HDAC9: variants seen among roughly 807,000 people sequenced by gnomAD.
HDAC9 encodes the protein MEF-2 interacting transcription repressor (MITR) protein.
HDAC9 carries 41 observed loss-of-function variants against 139.4 expected under a neutral mutation model. That is an observed-to-expected ratio of 0.29 (90% CI 0.23 to 0.38). The LOEUF is 0.38. Among genes scored for constraint, HDAC9 ranks in the 10% least tolerant of loss-of-function variants. The pLI is 1.00. For synonymous variants in HDAC9, 517 were observed against 476.2 expected, an observed-to-expected ratio of 1.09 and a Z score of -1.12; for missense variants, 1,147 against 1,297.0, an observed-to-expected ratio of 0.88 and a Z score of 1.78.
intron 14 of HDAC9, among the ~76,000 whole-genome samples, chr7:18,751,847 A>G (rs143721136): frequency 6.8e-4 from 104 of 152,250 alleles, no homozygotes; most frequent in African/African-American, 2.5e-3. Context: ...TGGTTTTACC[A>G]GAAGAGTAAG....
At chr7:18,908,332 A>G (rs1117533) in intron 22 of HDAC9, among the ~76,000 whole-genome samples, 42,378 of 151,934 alleles carry the variant, frequency 0.28, 6,679 homozygotes, top group East Asian at 0.4. Context: ...GATTAAATCA[A>G]TGTGTGATTA....
chr7:18,307,084 A>G (rs1272453950), intron 1 of HDAC9, among the ~76,000 whole-genome samples: 1 of 146,974 alleles, frequency 6.8e-6, no homozygotes, highest in Non-Finnish European at 1.5e-5. Flanking sequence ...CTTCAGCTAC[A>G]GGAGGGCAGT....
intron 12 of HDAC9, among the ~76,000 whole-genome samples, chr7:18,681,841 TG>T (rs1182817716): frequency 6.6e-6 from 1 of 152,062 alleles, no homozygotes; most frequent in Admixed American, 6.6e-5. Flanking sequence ...TCTTGGCCTT[TG>T]GAGTAACCCA....
intron 6 of HDAC9, 62 bp downstream of exon 6, chr7:18,594,091 G>A (rs1157990838): frequency 1.3e-5 from 21 of 1,570,196 alleles, no homozygotes; most frequent in East Asian, 2.2e-5. Flanking sequence ...GTTTCATTTT[G>A]CCACACCTCT....
At chr7:18,136,239 C>T (rs1437852885) in intron 1 of HDAC9, among the ~76,000 whole-genome samples, 3 of 150,074 alleles carry the variant, frequency 2.0e-5, no homozygotes, top group African/African-American at 4.9e-5. Flanking sequence ...AAAATTTTCT[C>T]CCATTTTGTA....
intron 6 of HDAC9, among the ~76,000 whole-genome samples, chr7:18,600,801 C>G (rs1833738461): frequency 6.6e-6 from 1 of 152,032 alleles, no homozygotes; most frequent in Admixed American, 6.6e-5. Flanking sequence ...TCAATAACCA[C>G]CAAATAACTT....
At position 18,293,309 on chromosome 7, in the gene HDAC9, T is replaced by A. The variant is rs1585034932; in HGVS notation, c.-42+2794T>A. Reference sequence around the variant, plus strand: ...ACTGTTATGTCACATTCTTAGATTCTTTTTTTTTTTTATTATACTTTAAGT... The same window carrying A: ...ACTGTTATGTCACATTCTTAGATTCATTTTTTTTTTTATTATACTTTAAGT... On this transcript the variant is annotated intron_variant, in intron 1 of 3. Coordinates refer to the HDAC9 transcript ENST00000413509. Among the ~76,000 whole-genome samples the A allele has an allele frequency of 1.2e-4, 4 of 34,486 alleles. No homozygotes were observed. The South Asian group carries it at 2.9e-3, about 25-fold the overall frequency. 22.6% of individuals were successfully genotyped at this position (34,486 alleles called of 152,430 possible).
chr7:18,927,463 C>T (rs1804339685), intron 22 of HDAC9, among the ~76,000 whole-genome samples: 1 of 152,038 alleles, frequency 6.6e-6, no homozygotes, highest in Admixed American at 6.6e-5. Flanking sequence ...ACTTAATGAC[C>T]AGGGGGTTTA....
chr7:18,740,879 G>A (rs1427171120), intron 13 of HDAC9, among the ~76,000 whole-genome samples: 1 of 152,214 alleles, frequency 6.6e-6, no homozygotes, highest in African/African-American at 2.4e-5. Context: ...TGCTCATATG[G>A]AGAGAGTTTT....
intron 2 of HDAC9, among the ~76,000 whole-genome samples, chr7:18,257,129 T>TGTGC (rs1348584149): frequency 1.3e-5 from 2 of 150,864 alleles, no homozygotes; most frequent in Admixed American, 6.6e-5. Context: ...TGTGTGTGTG[T>TGTGC]GTGTGTGTGT....
intron 2 of HDAC9, among the ~76,000 whole-genome samples, chr7:18,191,242 TAAGG>T (rs1460772496): frequency 6.6e-6 from 1 of 152,124 alleles, no homozygotes; most frequent in African/African-American, 2.4e-5. Context: ...AAGAAAATCA[TAAGG>T]AAGGAAAGAT....
chr7:18,974,902 C>G (rs1379896804), intron 24 of HDAC9, among the ~76,000 whole-genome samples: 1 of 152,148 alleles, frequency 6.6e-6, no homozygotes, highest in Non-Finnish European at 1.5e-5. Flanking sequence ...TCCACTCAAA[C>G]AAGGCTTTTT....
At chr7:18,503,839 A>G (rs1240837517) in intron 2 of HDAC9, among the ~76,000 whole-genome samples, 1 of 152,168 alleles carries the variant, frequency 6.6e-6, no homozygotes, top group Non-Finnish European at 1.5e-5. Flanking sequence ...TGTGGATGTT[A>G]TTTTCAATTT....
intron 25 of HDAC9, among the ~76,000 whole-genome samples, chr7:18,986,834 C>T (rs532731856): frequency 1.3e-5 from 2 of 152,090 alleles, no homozygotes; most frequent in African/African-American, 4.8e-5. Context: ...TTTGAAGCAA[C>T]TGTGAATGGG....
intron 21 of HDAC9, among the ~76,000 whole-genome samples, chr7:18,869,147 G>GGTGT (rs58034239): frequency 0.035 from 4,767 of 138,138 alleles, 103 homozygotes; most frequent in Non-Finnish European, 0.037. Context: ...TCACAATTGG[G>GGTGT]GTGTGTGTGT....
intron 1 of HDAC9, among the ~76,000 whole-genome samples, chr7:18,303,279 G>A (rs1314482123): frequency 6.6e-6 from 1 of 151,836 alleles, no homozygotes; most frequent in Middle Eastern, 3.2e-3. Flanking sequence ...GTTTAGTGGC[G>A]CGATCTCGGC....
chr7:18,529,339 A>G (rs1477417627), intron 2 of HDAC9, among the ~76,000 whole-genome samples: 1 of 152,194 alleles, frequency 6.6e-6, no homozygotes, highest in African/African-American at 2.4e-5. Flanking sequence ...ATGGGCATAA[A>G]AGCAAATCAA....
chr7:18,180,658 T>C (rs1458613400), intron 2 of HDAC9, among the ~76,000 whole-genome samples: 1 of 152,178 alleles, frequency 6.6e-6, no homozygotes, highest in Non-Finnish European at 1.5e-5. Context: ...TAACTAACTT[T>C]GGGCCTTTGA....
At chr7:18,914,610 T>G (rs533199621) in intron 22 of HDAC9, among the ~76,000 whole-genome samples, 3 of 152,204 alleles carry the variant, frequency 2.0e-5, no homozygotes, top group Admixed American at 2.0e-4. Flanking sequence ...CTCACAAATT[T>G]CTGAAGATTT....
Sources: gnomAD v4.1 joint callset for allele counts (sites outside exome capture counted in the v4.1 genomes callset) on GRCh38, gnomAD v4.1.1 for gene constraint, MANE v1.5 for transcripts, NCBI Gene and HGNC (gene_info 2026-07-23, HGNC 2026-07-21) for gene names.